The following MVP variants were observed in gnomAD, a reference collection of about 807,000 sequenced individuals.
The protein encoded by MVP is lung resistance-related protein.
Under a neutral mutation model 83.5 loss-of-function variants are expected in MVP, and 62 were observed. That is an observed-to-expected ratio of 0.74 (90% confidence interval 0.61 to 0.92). The LOEUF is 0.92. MVP is among the 40% of genes least tolerant of loss of function. The pLI, the probability that MVP is intolerant of heterozygous loss-of-function variation, is 0.00. For missense variants in MVP, 1,000 were observed against 1,203.4 expected (o/e 0.83, Z 2.50); for synonymous variants, 505 against 504.1 (o/e 1.00, Z -0.02).
chr16:29,841,834 G>T lies in MVP; in HGVS notation c.1430G>T (p.Arg477Leu), dbSNP rs748570854. 1.2e-6 allele frequency: 2 copies of T among 1,609,082 alleles called. No homozygotes were observed. Among genetic ancestry groups the T allele is most frequent in the African/African-American group, 1.3e-5 (1 of 74,894 alleles). ...AVQVYDYREK[R>L]ARVVFGPELV... ...CAGGTGTACGACTACCGAGAGAAGCGAGCCCGGTGAGTGCTGGCAGCGCAG... is the reference window on the plus strand; with the variant it reads ...CAGGTGTACGACTACCGAGAGAAGCTAGCCCGGTGAGTGCTGGCAGCGCAG... The change falls in exon 9 of 15, where the codon CGA (arginine) becomes CTA (leucine). Residue 477 changes from arginine (R) to leucine (L), a missense_variant. Coordinates refer to ENST00000357402, the MANE Select transcript of MVP (RefSeq NM_005115.5). This position sits in a 1 kb window ranked among gnomAD's most constrained non-coding sequence, Gnocchi z 4.7.
chr16:29,844,916 C>T (rs779494860), intron 11 of MVP, 37 bp downstream of exon 11: 1 of 1,566,302 alleles, frequency 6.4e-7, no homozygotes, highest in East Asian at 2.2e-5. Flanking sequence ...CTATAATGCC[C>T]ATGGCAGGCC....
chr16:29,828,543 C>G (rs561677318), intron 1 of MVP, among the ~76,000 whole-genome samples: 1 of 152,166 alleles, frequency 6.6e-6, no homozygotes, highest in South Asian at 2.1e-4. Flanking sequence ...CCACAACTGG[C>G]TAATTTTTGT....
chr16:29,831,209 T>C, intron 3 of MVP, 136 bp downstream of exon 3: 2 of 861,626 alleles, frequency 2.3e-6, no homozygotes, highest in Non-Finnish European at 3.5e-6. Context: ...CAGGCTGGAG[T>C]GCAGTGGCAT....
intron 10 of MVP, among the ~76,000 whole-genome samples, chr16:29,842,408 C>T (rs1350914835): frequency 2.6e-5 from 4 of 152,042 alleles, no homozygotes; most frequent in South Asian, 2.1e-4. Context: ...CGGATTCAAG[C>T]GAGTCTCCTG....
chr16:29,845,820 C>G, intron 11 of MVP, 43 bp from the exon 12 acceptor site: 7 of 1,583,904 alleles, frequency 4.4e-6, no homozygotes, highest in African/African-American at 1.3e-5. Flanking sequence ...TGTTCCTGCT[C>G]TGGCCCCATG....
In MVP at chr16:29,843,574, G is replaced by A. The variant is rs12051462; in HGVS notation, c.1635-919G>A. Among the ~76,000 whole-genome samples the A allele has an allele frequency of 4.0e-3, 229 of 57,816 alleles. 2 individuals carry two copies. Among genetic ancestry groups the A allele is most frequent in the Middle Eastern group, 9.3e-3 (1 of 108 alleles). 37.9% of individuals were successfully genotyped at this position (57,816 alleles called of 152,430 possible). ...GGAGGGAGGGAGGGAGGGAGGGAGGGAGGGAGGAAGGGAGGAAGGGAGGGA... is the reference window on the plus strand; with the variant it reads ...GGAGGGAGGGAGGGAGGGAGGGAGGAAGGGAGGAAGGGAGGAAGGGAGGGA... On this transcript the variant is annotated intron_variant, in intron 10 of 14. Transcript: ENST00000357402.
At chr16:29,831,174 G>A in intron 3 of MVP, 101 bp downstream of exon 3, 2 of 1,178,594 alleles carry the variant, frequency 1.7e-6, no homozygotes, top group Admixed American at 5.6e-5. Flanking sequence ...TTTCTTTTTT[G>A]AGGCAGAGTT....
At chr16:29,827,477 G>C (rs1165267226) in intron 1 of MVP, among the ~76,000 whole-genome samples, 1 of 152,120 alleles carries the variant, frequency 6.6e-6, no homozygotes, top group Admixed American at 6.6e-5. Flanking sequence ...AGAAAGACAG[G>C]ACCAGGCATT....
At chr16:29,832,454 C>A (rs1023641214) in intron 3 of MVP, among the ~76,000 whole-genome samples, 2 of 151,048 alleles carry the variant, frequency 1.3e-5, no homozygotes, top group Admixed American at 1.3e-4. Context: ...CCCACCACCA[C>A]ACCCGGCTAA....
chr16:29,833,491 T>A lies in MVP; in HGVS notation c.322-242T>A, dbSNP rs968372935. 1.4e-4 allele frequency: 26 copies of A among 188,504 alleles called. No individual in the cohort carries two copies. In the East Asian group the frequency reaches 1.6e-3, roughly 12 times the overall value. 11.7% of individuals were successfully genotyped at this position (188,504 alleles called of 1,614,324 possible). A position where few individuals can be genotyped will look rare whatever the true frequency, so the allele number is the denominator to read the frequency against. ...CACTTTTTTTTTTTTTTTTTTTTTT[T>A]AGAGATGGGATCTTGCTATGTTGCC... On this transcript the variant is annotated intron_variant, in intron 3 of 14. Coordinates refer to ENST00000357402, the MANE Select transcript of MVP (RefSeq NM_005115.5).
rs150114517 is a variant in MVP at position 29,836,173 on chromosome 16, C to T, written c.672+375C>T. ...TCCAGTTACTCCAGAGGCGCTGAGG[C>T]AGGAGAATCGCTTGAACCCCAGAGG... On this transcript the variant is annotated intron_variant, in intron 6 of 14. Transcript: ENST00000357402. Among the ~76,000 whole-genome samples the T allele has an allele frequency of 6.2e-3, 932 of 150,168 alleles. 11 individuals carry two copies. The highest frequency in any genetic ancestry group is 0.022 in the African/African-American group (892 of 40,756).
At position 29,847,244 on chromosome 16, in the gene MVP, C is replaced by A; in HGVS notation, c.2313C>A (p.Val771=). 1 of 1,613,708 alleles carries A rather than the reference C, an allele frequency of 6.2e-7. No homozygotes were observed. Among genetic ancestry groups the A allele is most frequent in the Non-Finnish European group, 8.5e-7 (1 of 1,180,002 alleles). The change falls in exon 14 of 15, where the codon GTC becomes GTA. Residue 771 remains valine, a synonymous_variant. Coordinates refer to ENST00000357402, the MANE Select transcript of MVP (RefSeq NM_005115.5). The part of the protein sequence containing the change: ...RVQKVRELEL[V]YARAQLELEV... ...AGAAGGTCCGAGAGCTGGAACTGGT[C>A]TATGCCCGGGCCCAGCTGGAGCTGG...
chr16:29,837,981 G>T (rs1205611858), intron 7 of MVP, among the ~76,000 whole-genome samples: 1 of 152,110 alleles, frequency 6.6e-6, no homozygotes, highest in Non-Finnish European at 1.5e-5. Context: ...ATTCTGTAAA[G>T]GGGGCTGGAT....
intron 3 of MVP, chr16:29,831,555 A>T: frequency 2.2e-6 from 1 of 454,226 alleles, no homozygotes; most frequent in Non-Finnish European, 4.4e-6. Flanking sequence ...CTGTACCTCC[A>T]CTCACCTCCA....
intron 6 of MVP, 145 bp from the exon 7 acceptor site, chr16:29,836,577 T>TAA (rs35835626): frequency 0.019 from 11,078 of 573,280 alleles, 143 homozygotes; most frequent in African/African-American, 0.08. Context: ...GACTCCGATT[T>TAA]AAAAAAAAAA....
intron 14 of MVP, 139 bp from the exon 15 acceptor site, chr16:29,847,623 C>T (rs1318401051): frequency 1.0e-6 from 1 of 994,088 alleles, no homozygotes; most frequent in Non-Finnish European, 1.6e-6. Flanking sequence ...GCCAGTCTGA[C>T]AGGCATTTCC....
chr16:29,827,530 G>A lies in MVP; in HGVS notation c.-35-2985G>A, dbSNP rs533477166. Among the ~76,000 whole-genome samples the A allele has an allele frequency of 2.0e-5, 3 of 152,276 alleles. No individual in the cohort carries two copies. In the East Asian group the frequency reaches 5.8e-4, roughly 29 times the overall value. On this transcript the variant is annotated intron_variant, in intron 1 of 14. Transcript: ENST00000357402. ...CCAACAGCACCACTAACTTGCTTGT[G>A]GCCCTAAAGGATTCATTGTCCCTCT...
intron 1 of MVP, among the ~76,000 whole-genome samples, chr16:29,828,478 C>T (rs531245499): frequency 3.3e-5 from 5 of 152,298 alleles, no homozygotes; most frequent in African/African-American, 7.2e-5. Context: ...CTCCCAGGTT[C>T]GAGCAATCCT....
intron 3 of MVP, chr16:29,833,525 T>G: frequency 2.2e-6 from 1 of 452,328 alleles, no homozygotes. Context: ...CCCAGGCTGG[T>G]TCTTGAATGT....
Sources: allele counts gnomAD v4.1 joint callset (sites outside exome capture counted in the v4.1 genomes callset), GRCh38; gene constraint gnomAD v4.1.1; non-coding constraint Gnocchi (gnomAD v3.1); transcripts MANE v1.5; gene names NCBI Gene and HGNC (gene_info 2026-07-23, HGNC 2026-07-21).